MECOM: variants seen among roughly 807,000 people sequenced by gnomAD.
The protein encoded by MECOM is MDS1 and EVI1 complex locus.
Under a neutral mutation model 116.3 loss-of-function variants are expected in MECOM, and 13 were observed. The observed-to-expected ratio is 0.11, with a 90% CI of 0.07 to 0.18. The LOEUF (loss-of-function observed/expected upper bound fraction) is 0.18, where lower values mean the gene tolerates loss of function less well. Ranked by LOEUF, MECOM falls within the 10% of genes least tolerant of loss-of-function variation. MECOM has a pLI of 1.00. For missense variants in MECOM, 1,299 were observed against 1,509.0 expected, an observed-to-expected ratio of 0.86 and a Z score of 2.31; for synonymous variants, 528 against 535.2, an observed-to-expected ratio of 0.99 and a Z score of 0.19.
chr3:169,470,924 C>T (rs1461144607), intron 1 of MECOM, among the ~76,000 whole-genome samples: 1 of 152,008 alleles, frequency 6.6e-6, no homozygotes, highest in Non-Finnish European at 1.5e-5. Context: ...TGCCTAATGT[C>T]CTTTTGTTTT....
intron 2 of MECOM, among the ~76,000 whole-genome samples, chr3:169,221,072 A>G (rs1560010526): frequency 1.3e-5 from 2 of 152,206 alleles, no homozygotes. Context: ...TATGCCTTGT[A>G]TTGGTTGCAT....
chr3:169,473,846 T>C (rs1038197816), intron 1 of MECOM, among the ~76,000 whole-genome samples: 5 of 152,050 alleles, frequency 3.3e-5, no homozygotes, highest in Admixed American at 2.6e-4. Context: ...ATTACACATA[T>C]AGCAAAAGAG....
In MECOM at chr3:169,659,662, T is replaced by C. The variant is rs1377891903; in HGVS notation, c.37+3674A>G. Among the ~76,000 whole-genome samples the C allele has an allele frequency of 5.9e-5, 9 of 152,048 alleles. 1 individual carries two copies. Among genetic ancestry groups the C allele is most frequent in the African/African-American group, 2.2e-4 (9 of 41,392 alleles). ...GAAATAAACAAATAAAAGTATTTTT[T>C]AAAACAAAGCTCTGTTTTCATCTGA... On this transcript the variant is annotated intron_variant, in intron 1 of 16. Transcript: ENST00000651503.
At chr3:169,090,741 C>T (rs1186128829) in intron 14 of MECOM, among the ~76,000 whole-genome samples, 1 of 151,744 alleles carries the variant, frequency 6.6e-6, no homozygotes, top group Non-Finnish European at 1.5e-5. Flanking sequence ...TTTACTGATA[C>T]TAGATGACAT....
At chr3:169,407,449 A>ATTTATTTTTTTTTTTGT (rs1736881091) in intron 1 of MECOM, among the ~76,000 whole-genome samples, 2 of 151,332 alleles carry the variant, frequency 1.3e-5, no homozygotes, top group Admixed American at 1.3e-4. Flanking sequence ...CCAGTTCACA[A>ATTTATTTTTTTTTTTGT]AAACATTTTT....
chr3:169,128,029 G>T lies in MECOM; in HGVS notation c.645C>A (p.Asp215Glu). 1.2e-6 allele frequency: 2 copies of T among 1,614,048 alleles called. No individual in the cohort carries two copies. Among genetic ancestry groups the T allele is most frequent in the Non-Finnish European group, 1.7e-6 (2 of 1,179,926 alleles). ...EERQYRCEDC[D>E]QLFESKAELA... ...GTTCAGCCTTAGATTCAAAGAGCTG[G>T]TCACAGTCTTCGCAGCGATATTGCC... is the stretch of plus-strand genomic sequence containing the variant. The change falls in exon 5 of 17, where the codon GAC becomes GAA. Residue 215 changes from aspartate (D) to glutamate (E), a missense_variant. By Grantham distance (45) the Asp-to-Glu change is conservative. Transcript: ENST00000651503.
intron 2 of MECOM, among the ~76,000 whole-genome samples, chr3:169,245,023 G>C (rs1755410859): frequency 6.6e-6 from 1 of 152,072 alleles, no homozygotes; most frequent in Admixed American, 6.6e-5. Flanking sequence ...TAGTAACCAG[G>C]CCAAGCAGCT....
At chr3:169,285,853 T>G (rs58047467) in intron 2 of MECOM, among the ~76,000 whole-genome samples, 7,226 of 152,238 alleles carry the variant, frequency 0.047, 485 homozygotes, top group African/African-American at 0.14. Flanking sequence ...ACATGTTTGC[T>G]TCAGGCCTTA....
chr3:169,365,237 T>C (rs1728972171), intron 2 of MECOM, among the ~76,000 whole-genome samples: 1 of 152,032 alleles, frequency 6.6e-6, no homozygotes, highest in South Asian at 2.1e-4. Flanking sequence ...AATTAACACA[T>C]CAGCAATAGC....
intron 2 of MECOM, among the ~76,000 whole-genome samples, chr3:169,334,572 G>A (rs1007426860): frequency 6.6e-6 from 1 of 152,186 alleles, no homozygotes; most frequent in Non-Finnish European, 1.5e-5. Context: ...TTGATGAGGA[G>A]AAGGTCATTC....
In MECOM at chr3:169,532,325, C is replaced by G. The variant is rs966942245; in HGVS notation, c.37+131011G>C. On this transcript the variant is annotated intron_variant, in intron 1 of 16. Transcript: ENST00000651503. ...GCTTTGAGAACCACCACTCTCAAGC[C>G]AGACAAAGGTGTCATGCAGACATTG... Among the ~76,000 whole-genome samples the G allele has an allele frequency of 1.2e-4, 19 of 152,238 alleles. 1 individual carries two copies. In the East Asian group the frequency reaches 3.7e-3, roughly 29 times the overall value.
At chr3:169,091,273 AT>A (rs1447624616) in intron 14 of MECOM, among the ~76,000 whole-genome samples, 1 of 152,140 alleles carries the variant, frequency 6.6e-6, no homozygotes, top group African/African-American at 2.4e-5. Context: ...AAGAAAATCT[AT>A]TTGTTAATTA....
intron 2 of MECOM, chr3:169,146,215 A>AG (rs1375340824): frequency 1.8e-6 from 2 of 1,131,404 alleles, no homozygotes; most frequent in Non-Finnish European, 2.2e-6. Context: ...GAAAAAAAAA[A>AG]AAATCCCCAC....
At chr3:169,100,246 G>A (rs920857894) in intron 12 of MECOM, among the ~76,000 whole-genome samples, 3 of 151,598 alleles carry the variant, frequency 2.0e-5, no homozygotes, top group South Asian at 2.1e-4. Flanking sequence ...CTACAGGTGT[G>A]AGCCACCACA....
At chr3:169,514,404 G>C in intron 1 of MECOM, among the ~76,000 whole-genome samples, 1 of 152,166 alleles carries the variant, frequency 6.6e-6, no homozygotes, top group South Asian at 2.1e-4. Context: ...GACAGAGGGA[G>C]TCGGCGACTA....
chr3:169,143,853 A>G, intron 2 of MECOM, 21 bp from the exon 3 acceptor site: 1 of 1,582,704 alleles, frequency 6.3e-7, no homozygotes, highest in Non-Finnish European at 8.6e-7. Flanking sequence ...GAAGATGAGA[A>G]CAATCAATTG....
At chr3:169,613,274 G>A (rs1213237763) in intron 1 of MECOM, among the ~76,000 whole-genome samples, 1 of 152,158 alleles carries the variant, frequency 6.6e-6, no homozygotes. Flanking sequence ...CACAATATCA[G>A]GAAGCAGGAG....
intron 2 of MECOM, among the ~76,000 whole-genome samples, chr3:169,263,096 TA>T (rs1757763652): frequency 1.6e-5 from 1 of 63,774 alleles, no homozygotes; most frequent in African/African-American, 1.1e-4. Flanking sequence ...TATATATATA[TA>T]TATATATATA....
At chr3:169,592,107 C>T (rs961831331) in intron 1 of MECOM, among the ~76,000 whole-genome samples, 1 of 152,130 alleles carries the variant, frequency 6.6e-6, no homozygotes, top group Admixed American at 6.5e-5. Flanking sequence ...ACCAGTCTCG[C>T]TCTTCATCCC....
Sources: gnomAD v4.1 joint callset for allele counts (sites outside exome capture counted in the v4.1 genomes callset) on GRCh38, gnomAD v4.1.1 for gene constraint, MANE v1.5 for transcripts, NCBI Gene and HGNC (gene_info 2026-07-23, HGNC 2026-07-21) for gene names.